Variants in ZHX3 observed in about 807,000 individuals in gnomAD.
The protein encoded by ZHX3 is zinc fingers and homeoboxes 3.
In ZHX3, 20 loss-of-function variants were observed where a neutral mutation model predicts 64.5. The ratio of observed to expected loss-of-function variants is 0.31; its 90% CI spans 0.22 to 0.45. ZHX3 has a LOEUF of 0.45. Among genes scored for constraint, ZHX3 ranks in the 20% least tolerant of loss-of-function variants. ZHX3 has a pLI of 1.00. For synonymous variants in ZHX3, 423 were observed against 461.6 expected, an observed-to-expected ratio of 0.92 and a Z score of 1.07; for missense variants, 1,041 against 1,195.8, an observed-to-expected ratio of 0.87 and a Z score of 1.91.
chr20:41,277,673 G>A (rs1263401038), intron 1 of ZHX3, among the ~76,000 whole-genome samples: 1 of 150,372 alleles, frequency 6.7e-6, no homozygotes, highest in Non-Finnish European at 1.5e-5. Flanking sequence ...CTCACTGCAA[G>A]CTCCGCCTCC....
chr20:41,288,078 G>T (rs2044027343), intron 1 of ZHX3, among the ~76,000 whole-genome samples: 1 of 152,164 alleles, frequency 6.6e-6, no homozygotes, highest in Admixed American at 6.5e-5. Context: ...CCAGGCTGAA[G>T]TGTAGTAGCA....
chr20:41,296,232 TAAAAAAAAAAAAA>T lies in ZHX3; in HGVS notation c.-245+21264_-245+21276del, dbSNP rs57987896. ...TTCCCTTCTCCTCAAGTTCATAAAG[TAAAAAAAAAAAAA>T]AAAAAAAAAAAAAAAAAAAAAAAAT... On this transcript the variant is annotated intron_variant, in intron 1 of 3. Transcript: ENST00000683867. Among the ~76,000 whole-genome samples the T allele has an allele frequency of 9.7e-4, 71 of 73,000 alleles. 1 individual carries two copies. Among genetic ancestry groups the T allele is most frequent in the East Asian group, 7.2e-3 (26 of 3,632 alleles). The allele number at this position is 73,000 out of a possible 152,430, so 47.9% of individuals were successfully genotyped here. A position where few individuals can be genotyped will look rare whatever the true frequency, so the allele number is the denominator to read the frequency against.
chr20:41,261,666 A>G (rs2042569699), intron 2 of ZHX3, among the ~76,000 whole-genome samples: 1 of 152,236 alleles, frequency 6.6e-6, no homozygotes, highest in Admixed American at 6.5e-5. Context: ...AGTGCTCAAT[A>G]TGTTCAATTT....
chr20:41,287,563 C>G (rs988392102), intron 1 of ZHX3, among the ~76,000 whole-genome samples: 1 of 152,158 alleles, frequency 6.6e-6, no homozygotes, highest in Non-Finnish European at 1.5e-5. Flanking sequence ...TGACTTCCAT[C>G]CTGGGTTCTG....
In ZHX3 at chr20:41,181,545, CAAG is replaced by C. The variant is rs2036252597; in HGVS notation, c.*3643_*3645del. 1.3e-5 allele frequency: 2 copies of C among 152,134 alleles called. No homozygotes were observed. The highest frequency in any genetic ancestry group is 4.1e-4 in the South Asian group (2 of 4,822). 9.4% of individuals were successfully genotyped at this position (152,134 alleles called of 1,614,324 possible). A position where few individuals can be genotyped will look rare whatever the true frequency, so the allele number is the denominator to read the frequency against. On this transcript the variant is annotated 3_prime_UTR_variant, in exon 4 of 4. Coordinates refer to ENST00000683867, the MANE Select transcript of ZHX3 (RefSeq NM_001384317.1). ...CTGAGGATATTGGTCCAAAAAGAGA[CAAG>C]AGACCACGAGGCTCAAGCAGAGAGC...
chr20:41,193,472 A>C (rs1416732859), intron 3 of ZHX3, among the ~76,000 whole-genome samples: 1 of 152,118 alleles, frequency 6.6e-6, no homozygotes, highest in African/African-American at 2.4e-5. Context: ...CAAGTGTATA[A>C]AAATACGACC....
intron 2 of ZHX3, among the ~76,000 whole-genome samples, chr20:41,255,663 C>T (rs1021412895): frequency 1.3e-5 from 2 of 152,184 alleles, no homozygotes; most frequent in African/African-American, 2.4e-5. Context: ...CCCAGAGCCT[C>T]TAGAGGAAGG....
rs2037390568 is a variant in ZHX3 at position 41,195,257 on chromosome 20, A to G, written c.2860+6800T>C. On this transcript the variant is annotated intron_variant, in intron 3 of 3. Transcript: ENST00000683867. The surrounding 1 kb of genome is among the most constrained non-coding windows in gnomAD (Gnocchi z 4.2). ...CAGACACCTGAGTAGCTGGCACTAC[A>G]GGAACATGCCACCACACCTGGCTTA... is the stretch of plus-strand genomic sequence containing the variant. 6.6e-6 allele frequency among the ~76,000 whole-genome samples: 1 copy of G among 152,116 alleles called. No individual in the cohort carries two copies. Among genetic ancestry groups the G allele is most frequent in the Non-Finnish European group, 1.5e-5 (1 of 68,026 alleles).
chr20:41,217,417 A>G (rs908759690), intron 2 of ZHX3, among the ~76,000 whole-genome samples: 1 of 152,206 alleles, frequency 6.6e-6, no homozygotes, highest in Non-Finnish European at 1.5e-5. Context: ...TAATTAAAAA[A>G]AAATTAAAAG....
At chr20:41,276,311 A>C (rs757551365) in intron 1 of ZHX3, among the ~76,000 whole-genome samples, 3 of 152,070 alleles carry the variant, frequency 2.0e-5, no homozygotes, top group Non-Finnish European at 2.9e-5. Context: ...GAAGTACTTT[A>C]AGAGTATATC....
At chr20:41,235,693 C>T (rs2146413803) in intron 2 of ZHX3, among the ~76,000 whole-genome samples, 1 of 152,262 alleles carries the variant, frequency 6.6e-6, no homozygotes, top group Non-Finnish European at 1.5e-5. Context: ...TGGAAGCATT[C>T]CCTTTGAAAA....
chr20:41,268,726 A>G (rs2042982985), intron 2 of ZHX3, among the ~76,000 whole-genome samples: 3 of 152,248 alleles, frequency 2.0e-5, no homozygotes, highest in Non-Finnish European at 4.4e-5. Context: ...TCAATGGTCA[A>G]CCTATAACAG....
rs896049563 is a variant in ZHX3 at position 41,184,000 on chromosome 20, C to G, written c.*1191G>C. 1 of 152,204 alleles carries G rather than the reference C, an allele frequency of 6.6e-6. No individual in the cohort carries two copies. Among genetic ancestry groups the G allele is most frequent in the African/African-American group, 2.4e-5 (1 of 41,434 alleles). The allele number at this position is 152,204 out of a possible 1,614,324, so 9.4% of individuals were successfully genotyped here. On this transcript the variant is annotated 3_prime_UTR_variant, in exon 4 of 4. Transcript: ENST00000683867. This position sits in a 1 kb window ranked among gnomAD's most constrained non-coding sequence, Gnocchi z 5.3. ...ACAAGGACCAGTGATGCCCAGCACCCTTGGGCATGCATCCAGCACACCGGC... is the reference window on the plus strand; with the variant it reads ...ACAAGGACCAGTGATGCCCAGCACCGTTGGGCATGCATCCAGCACACCGGC...
chr20:41,255,846 G>T (rs894691982), intron 2 of ZHX3, among the ~76,000 whole-genome samples: 6 of 152,170 alleles, frequency 3.9e-5, no homozygotes, highest in African/African-American at 1.2e-4. Context: ...CTGCCAGCTG[G>T]CCATGCTGGG....
rs534707556 is a variant in ZHX3, at chr20:41,242,989, G to A, written c.-151+26001C>T. Among the ~76,000 whole-genome samples the A allele has an allele frequency of 1.4e-4, 22 of 152,278 alleles. 1 individual carries two copies. In the South Asian group the frequency reaches 3.1e-3, roughly 22 times the overall value. ...GCTTGTCTCCATGTACCAGGAAGTC[G>A]TGGGTCTAAGTGGATGTGGTGTCCC... On this transcript the variant is annotated intron_variant, in intron 2 of 3. Coordinates refer to ENST00000683867, the MANE Select transcript of ZHX3 (RefSeq NM_001384317.1).
chr20:41,229,964 T>C (rs990553457), intron 2 of ZHX3, among the ~76,000 whole-genome samples: 2 of 152,190 alleles, frequency 1.3e-5, no homozygotes, highest in Non-Finnish European at 2.9e-5. Flanking sequence ...AACTCTATTA[T>C]TTTCCATTAG....
chr20:41,303,415 A>C (rs1224423981), intron 1 of ZHX3, among the ~76,000 whole-genome samples: 1 of 152,050 alleles, frequency 6.6e-6, no homozygotes, highest in African/African-American at 2.4e-5. Flanking sequence ...AGCAAAAATC[A>C]ACTCCCACTT....
At chr20:41,214,103 T>C (rs565558935) in intron 2 of ZHX3, among the ~76,000 whole-genome samples, 1 of 152,174 alleles carries the variant, frequency 6.6e-6, no homozygotes, top group East Asian at 1.9e-4. Context: ...AGTCTCAAAT[T>C]AGCCCTAAAT....
chr20:41,268,520 A>G (rs553391797), intron 2 of ZHX3, among the ~76,000 whole-genome samples: 5 of 152,368 alleles, frequency 3.3e-5, no homozygotes, highest in Admixed American at 6.5e-5. Context: ...AAGGTTTCCT[A>G]TTCCACAGAT....
Sources: allele counts gnomAD v4.1 joint callset (sites outside exome capture counted in the v4.1 genomes callset), GRCh38; gene constraint gnomAD v4.1.1; non-coding constraint Gnocchi (gnomAD v3.1); transcripts MANE v1.5; gene names NCBI Gene and HGNC (gene_info 2026-07-23, HGNC 2026-07-21).